The following SCHIP1 variants were observed in gnomAD, a reference collection of about 807,000 sequenced individuals.
The protein encoded by SCHIP1 is schwannomin-interacting protein 1.
SCHIP1 carries 8 observed loss-of-function variants against 29.7 expected under a neutral mutation model. The observed-to-expected ratio is 0.27, with a 90% CI of 0.16 to 0.49. SCHIP1 has a LOEUF of 0.49. SCHIP1 is among the 20% of genes least tolerant of loss of function. The pLI is 0.99. For synonymous variants in SCHIP1, 76 were observed against 94.9 expected (o/e 0.80, Z 1.16); for missense variants, 193 against 294.6 (o/e 0.66, Z 2.52).
At chr3:159,398,423 G>A in the SCHIP1 span, among the ~76,000 whole-genome samples, 1 of 152,162 alleles carries the variant, frequency 6.6e-6, no homozygotes, top group South Asian at 2.1e-4. Context: ...CCATGATGAA[G>A]GTTCTGGTAG....
the SCHIP1 span, among the ~76,000 whole-genome samples, chr3:159,383,705 G>A: frequency 7.9e-6 from 1 of 126,992 alleles, no homozygotes; most frequent in East Asian, 2.5e-4. Context: ...GGGCAGTATG[G>A]CCATTTTCAT....
In SCHIP1 at chr3:159,896,833, A is replaced by G. The variant is rs1386587257; in HGVS notation, c.*59A>G. On this transcript the variant is annotated 3_prime_UTR_variant, in exon 7 of 7. Coordinates refer to ENST00000445224, the Ensembl canonical transcript of SCHIP1. The stretch of plus-strand genomic sequence containing the variant: ...TTTATTTTGCTTCTGTGGTTGTAAA[A>G]ATGCTGTTGCTAAAGGTGGCGCAGA... 5 of 1,539,732 alleles carry G rather than the reference A, an allele frequency of 3.2e-6. No individual in the cohort carries two copies. In the East Asian group the frequency reaches 9.6e-5, roughly 30 times the overall value.
At chr3:159,844,928 A>G (rs1250447169) in intron 1 of SCHIP1, among the ~76,000 whole-genome samples, 1 of 152,246 alleles carries the variant, frequency 6.6e-6, no homozygotes, top group African/African-American at 2.4e-5. Context: ...AATAACACTC[A>G]TCTTTTTCCT....
the SCHIP1 span, among the ~76,000 whole-genome samples, chr3:159,697,400 G>A: frequency 3.1e-3 from 479 of 152,192 alleles, 3 homozygotes; most frequent in African/African-American, 0.011. Context: ...ATAGAGGCAG[G>A]TCTGGAAATT....
At chr3:159,541,969 A>C in the SCHIP1 span, among the ~76,000 whole-genome samples, 1 of 152,222 alleles carries the variant, frequency 6.6e-6, no homozygotes, top group African/African-American at 2.4e-5. Flanking sequence ...GATGAAGTTC[A>C]GATCTCTATG....
the SCHIP1 span, among the ~76,000 whole-genome samples, chr3:159,389,605 C>CTGA: frequency 2.0e-5 from 3 of 151,874 alleles, no homozygotes; most frequent in Admixed American, 6.6e-5. Context: ...AGTATTGTTT[C>CTGA]TGATAGAAAA....
the SCHIP1 span, among the ~76,000 whole-genome samples, chr3:159,623,289 G>A: frequency 6.6e-6 from 1 of 152,134 alleles, no homozygotes; most frequent in African/African-American, 2.4e-5. Context: ...TTTTTCATAG[G>A]AATGGGAAAC....
chr3:159,312,149 T>C, the SCHIP1 span, among the ~76,000 whole-genome samples: 2 of 152,206 alleles, frequency 1.3e-5, no homozygotes, highest in South Asian at 4.1e-4. Context: ...TAGCAGGTTA[T>C]GAGCCAGGGA....
the SCHIP1 span, among the ~76,000 whole-genome samples, chr3:159,676,178 AG>A: frequency 3.9e-5 from 6 of 152,136 alleles, no homozygotes; most frequent in African/African-American, 1.4e-4. Flanking sequence ...CAGATATGGG[AG>A]GGGTACTGGG....
the SCHIP1 span, among the ~76,000 whole-genome samples, chr3:159,436,746 T>G: frequency 6.6e-6 from 1 of 152,130 alleles, no homozygotes; most frequent in Non-Finnish European, 1.5e-5. Flanking sequence ...ATTCCTTATG[T>G]GAACAGTAAT....
the SCHIP1 span, among the ~76,000 whole-genome samples, chr3:159,681,814 ACG>A: frequency 6.6e-6 from 1 of 152,208 alleles, no homozygotes; most frequent in Non-Finnish European, 1.5e-5. Context: ...GGTTAACTCA[ACG>A]TTAACTTAGG....
chr3:159,579,822 G>A, the SCHIP1 span, among the ~76,000 whole-genome samples: 5 of 152,188 alleles, frequency 3.3e-5, no homozygotes, highest in Non-Finnish European at 5.9e-5. Context: ...TGGCAGTATT[G>A]AGATTTCCTC....
At chr3:159,601,835 G>T in the SCHIP1 span, among the ~76,000 whole-genome samples, 1 of 152,234 alleles carries the variant, frequency 6.6e-6, no homozygotes, top group East Asian at 1.9e-4. Context: ...CCAGTGGTAT[G>T]CTGCTGCAGA....
At chr3:159,753,713 C>T in the SCHIP1 span, among the ~76,000 whole-genome samples, 1 of 152,194 alleles carries the variant, frequency 6.6e-6, no homozygotes, top group East Asian at 1.9e-4. Flanking sequence ...AGTCTGCTTT[C>T]ACAATCCTTG....
chr3:159,865,325 T>C (rs2109249716), intron 1 of SCHIP1, among the ~76,000 whole-genome samples: 1 of 152,306 alleles, frequency 6.6e-6, no homozygotes, highest in Non-Finnish European at 1.5e-5. Context: ...TTTTTAATCT[T>C]CTCCCCTGTT....
chr3:159,735,547 A>G, the SCHIP1 span, among the ~76,000 whole-genome samples: 1 of 152,124 alleles, frequency 6.6e-6, no homozygotes, highest in Non-Finnish European at 1.5e-5. Context: ...CTACTTTTCT[A>G]TAAAACTCCT....
exon 1 of SCHIP1, chr3:159,839,970 G>C: frequency 7.0e-7 from 1 of 1,423,632 alleles, no homozygotes; most frequent in Middle Eastern, 2.6e-4. Flanking sequence ...GGTTTCGGAG[G>C]GCTGGAGAGC....
the SCHIP1 span, among the ~76,000 whole-genome samples, chr3:159,317,054 T>C: frequency 1.3e-5 from 2 of 152,218 alleles, no homozygotes; most frequent in Non-Finnish European, 2.9e-5. Flanking sequence ...CTGAAAGGTC[T>C]GGGTCATTTG....
chr3:159,669,049 A>C, the SCHIP1 span, among the ~76,000 whole-genome samples: 3 of 152,286 alleles, frequency 2.0e-5, no homozygotes, highest in Non-Finnish European at 4.4e-5. Context: ...CATTTAAGGA[A>C]GGGCTGCATG....
Sources: allele counts gnomAD v4.1 joint callset (sites outside exome capture counted in the v4.1 genomes callset), GRCh38; gene constraint gnomAD v4.1.1; transcripts MANE v1.5; gene names NCBI Gene and HGNC (gene_info 2026-07-23, HGNC 2026-07-21).